DLG2: variants seen among roughly 807,000 people sequenced by gnomAD.
The protein encoded by DLG2 is disks large homolog 2.
Under a neutral mutation model 132.5 loss-of-function variants are expected in DLG2, and 45 were observed. The ratio of observed to expected loss-of-function variants is 0.34; its 90% CI spans 0.27 to 0.44. DLG2 has a LOEUF of 0.44. Among genes scored for constraint, DLG2 ranks in the 20% least tolerant of loss-of-function variants. The pLI, the probability that DLG2 is intolerant of heterozygous loss-of-function variation, is 1.00. For synonymous variants in DLG2, 424 were observed against 419.6 expected (o/e 1.01, Z -0.13); for missense variants, 1,045 against 1,196.9 (o/e 0.87, Z 1.87).
At chr11:83,800,674 A>G (rs2044114190) in intron 17 of DLG2, among the ~76,000 whole-genome samples, 2 of 152,004 alleles carry the variant, frequency 1.3e-5, no homozygotes, top group African/African-American at 4.8e-5. Flanking sequence ...GTTAAAAAAA[A>G]TTAGACCTTT....
At chr11:84,179,938 C>T (rs1241081877) in intron 8 of DLG2, among the ~76,000 whole-genome samples, 1 of 152,112 alleles carries the variant, frequency 6.6e-6, no homozygotes, top group African/African-American at 2.4e-5. Flanking sequence ...CTCCCCAATA[C>T]CTTGCCACTA....
intron 16 of DLG2, among the ~76,000 whole-genome samples, chr11:83,858,408 T>C (rs560413888): frequency 1.3e-5 from 2 of 152,094 alleles, no homozygotes; most frequent in Non-Finnish European, 2.9e-5. Context: ...GCATGAGGAA[T>C]TGAAAAAGAA....
At chr11:85,295,577 T>G (rs2079162619) in intron 3 of DLG2, among the ~76,000 whole-genome samples, 1 of 152,156 alleles carries the variant, frequency 6.6e-6, no homozygotes, top group Non-Finnish European at 1.5e-5. Flanking sequence ...AATTCACATT[T>G]GACACTTAAG....
intron 9 of DLG2, among the ~76,000 whole-genome samples, chr11:84,133,472 A>G (rs1463467379): frequency 6.6e-6 from 1 of 152,060 alleles, no homozygotes; most frequent in Non-Finnish European, 1.5e-5. Flanking sequence ...TATTTAAAGC[A>G]TTCTGTTTTA....
intron 3 of DLG2, among the ~76,000 whole-genome samples, chr11:85,596,743 T>C (rs494119): frequency 0.17 from 26,623 of 152,228 alleles, 2,994 homozygotes; most frequent in Non-Finnish European, 0.25. Flanking sequence ...ACCTATCCTT[T>C]ACAAAGATAT....
chr11:83,465,109 G>GA (rs2090777277), intron 26 of DLG2, among the ~76,000 whole-genome samples: 2 of 152,186 alleles, frequency 1.3e-5, no homozygotes, highest in Admixed American at 6.5e-5. Flanking sequence ...CCAGCCATGG[G>GA]AAAAACTCTT....
At chr11:83,796,861 C>T (rs2042944643) in intron 17 of DLG2, among the ~76,000 whole-genome samples, 1 of 152,160 alleles carries the variant, frequency 6.6e-6, no homozygotes, top group Non-Finnish European at 1.5e-5. Context: ...CATTGCAGGA[C>T]AGTGACAGCT....
At chr11:85,048,288 A>G (rs1346270211) in intron 6 of DLG2, among the ~76,000 whole-genome samples, 2 of 151,974 alleles carry the variant, frequency 1.3e-5, no homozygotes, top group Non-Finnish European at 2.9e-5. Context: ...TTGTTATAAC[A>G]TGTCAAACCA....
intron 6 of DLG2, among the ~76,000 whole-genome samples, chr11:84,877,810 C>T (rs778936226): frequency 3.0e-4 from 46 of 152,118 alleles, no homozygotes; most frequent in Non-Finnish European, 6.0e-4. Context: ...ATTTTGCAAT[C>T]TGTCCATCTG....
At chr11:84,900,599 G>C (rs533637423) in intron 6 of DLG2, among the ~76,000 whole-genome samples, 72 of 152,054 alleles carry the variant, frequency 4.7e-4, no homozygotes, top group African/African-American at 1.7e-3. Context: ...ATCAAATTTA[G>C]ATATCACTGT....
chr11:83,997,283 TA>T (rs2094093076), intron 11 of DLG2, among the ~76,000 whole-genome samples: 1 of 152,176 alleles, frequency 6.6e-6, no homozygotes, highest in Non-Finnish European at 1.5e-5. Flanking sequence ...TTTAAGCACC[TA>T]ACACATTTTT....
intron 7 of DLG2, among the ~76,000 whole-genome samples, chr11:84,509,023 A>C (rs1296585625): frequency 1.3e-5 from 2 of 152,250 alleles, no homozygotes. Flanking sequence ...GAGCGCAAAC[A>C]CAAGAATTGG....
chr11:84,379,500 TAAG>T (rs1445733043), intron 7 of DLG2, among the ~76,000 whole-genome samples: 9 of 151,902 alleles, frequency 5.9e-5, no homozygotes, highest in Admixed American at 2.0e-4. Flanking sequence ...CCACAGAGGA[TAAG>T]AAGATGAGAA....
At chr11:84,311,606 T>A (rs948890766) in intron 7 of DLG2, among the ~76,000 whole-genome samples, 1 of 152,240 alleles carries the variant, frequency 6.6e-6, no homozygotes, top group Admixed American at 6.5e-5. Flanking sequence ...GATTTGGGTG[T>A]TCATCTAGAA....
intron 6 of DLG2, among the ~76,000 whole-genome samples, chr11:84,644,171 G>C (rs1341300824): frequency 6.6e-6 from 1 of 152,098 alleles, no homozygotes; most frequent in East Asian, 1.9e-4. Flanking sequence ...GGGCTGAGAT[G>C]GGTCTTTTCA....
chr11:85,340,137 T>G (rs909252713), intron 3 of DLG2, among the ~76,000 whole-genome samples: 1 of 152,190 alleles, frequency 6.6e-6, no homozygotes, highest in Non-Finnish European at 1.5e-5. Flanking sequence ...TCCCATTACT[T>G]GGTATATACC....
chr11:84,751,027 C>G (rs2066042774), intron 6 of DLG2, among the ~76,000 whole-genome samples: 2 of 151,828 alleles, frequency 1.3e-5, no homozygotes, highest in African/African-American at 4.8e-5. Context: ...ATGGCAGAGA[C>G]AGCATTAGAA....
intron 7 of DLG2, chr11:84,272,199 T>A: frequency 2.7e-6 from 1 of 366,632 alleles, no homozygotes; most frequent in Non-Finnish European, 5.6e-6. Flanking sequence ...TAGCCCAGAG[T>A]TTGTGACATT....
chr11:83,471,088 T>C (rs2091965655), intron 24 of DLG2, among the ~76,000 whole-genome samples: 1 of 151,924 alleles, frequency 6.6e-6, no homozygotes, highest in Non-Finnish European at 1.5e-5. Flanking sequence ...GAGAAGAAAG[T>C]AGTTTAAAGT....
Sources: allele counts gnomAD v4.1 joint callset (sites outside exome capture counted in the v4.1 genomes callset), GRCh38; gene constraint gnomAD v4.1.1; transcripts MANE v1.5; gene names NCBI Gene and HGNC (gene_info 2026-07-23, HGNC 2026-07-21).